The following FHIT variants were observed in gnomAD, a reference collection of about 807,000 sequenced individuals.
FHIT encodes bis(5'-adenosyl)-triphosphatase.
A neutral mutation model predicts 17.9 loss-of-function variants in FHIT; 19 were observed. That is an observed-to-expected ratio of 1.06 (90% CI 0.74 to 1.56). FHIT has a LOEUF of 1.56. FHIT is among the 40% of genes most tolerant of loss of function. FHIT has a pLI of 0.00. For missense variants in FHIT, 248 were observed against 189.2 expected, an observed-to-expected ratio of 1.31 and a Z score of -1.82; for synonymous variants, 81 against 69.7, an observed-to-expected ratio of 1.16 and a Z score of -0.81.
intron 5 of FHIT, among the ~76,000 whole-genome samples, chr3:60,019,531 G>C (rs1385381694): frequency 2.7e-5 from 4 of 150,390 alleles, no homozygotes. Flanking sequence ...TGATTCTCCT[G>C]CCTCAGCCTC....
At chr3:61,130,302 G>A (rs779158072) in intron 2 of FHIT, among the ~76,000 whole-genome samples, 1 of 152,146 alleles carries the variant, frequency 6.6e-6, no homozygotes, top group African/African-American at 2.4e-5. Context: ...ACAACTCCAC[G>A]TGTTGTGTTA....
chr3:60,961,609 C>T (rs1054536263), intron 3 of FHIT, among the ~76,000 whole-genome samples: 1 of 151,944 alleles, frequency 6.6e-6, no homozygotes, highest in African/African-American at 2.4e-5. Flanking sequence ...TTTTGTATAG[C>T]GTGTAAGGAA....
chr3:60,727,140 G>C (rs1369916007), intron 4 of FHIT, among the ~76,000 whole-genome samples: 5 of 151,992 alleles, frequency 3.3e-5, no homozygotes, highest in African/African-American at 1.2e-4. Flanking sequence ...CCATTATAGA[G>C]AATGCAGAAA....
At chr3:59,845,215 A>G (rs1701676297) in intron 8 of FHIT, among the ~76,000 whole-genome samples, 1 of 151,640 alleles carries the variant, frequency 6.6e-6, no homozygotes, top group African/African-American at 2.4e-5. Context: ...AATTTTGTTG[A>G]TAATTTCAAA....
intron 3 of FHIT, among the ~76,000 whole-genome samples, chr3:60,911,134 A>G (rs534560574): frequency 2.0e-5 from 3 of 152,332 alleles, no homozygotes; most frequent in Admixed American, 2.0e-4. Context: ...AGGAAGTTCC[A>G]ACATCATATT....
chr3:60,739,248 G>A (rs1553713367), intron 4 of FHIT, among the ~76,000 whole-genome samples: 1 of 152,218 alleles, frequency 6.6e-6, no homozygotes, highest in East Asian at 1.9e-4. Context: ...GATACAGAAA[G>A]CTGTCACACT....
intron 3 of FHIT, among the ~76,000 whole-genome samples, chr3:60,837,852 C>T (rs1331423842): frequency 6.6e-6 from 1 of 152,060 alleles, no homozygotes; most frequent in Non-Finnish European, 1.5e-5. Context: ...CATCATTTTA[C>T]CAGTTTGAGT....
At chr3:60,222,974 G>C (rs1313726121) in intron 5 of FHIT, among the ~76,000 whole-genome samples, 2 of 152,306 alleles carry the variant, frequency 1.3e-5, no homozygotes, top group South Asian at 4.1e-4. Context: ...AGGATAAAGA[G>C]TTTGCTAGGA....
At chr3:60,074,362 A>G (rs1199086001) in intron 5 of FHIT, among the ~76,000 whole-genome samples, 6 of 152,074 alleles carry the variant, frequency 3.9e-5, no homozygotes, top group African/African-American at 1.2e-4. Context: ...CTCTACTTCT[A>G]TGGTATTACC....
intron 5 of FHIT, among the ~76,000 whole-genome samples, chr3:60,446,839 C>G (rs558618804): frequency 3.5e-4 from 52 of 148,062 alleles, no homozygotes; most frequent in Non-Finnish European, 6.8e-4. Flanking sequence ...GGCAGCAGAG[C>G]AAGACCCTAT....
chr3:60,601,253 C>A (rs1016815649), intron 4 of FHIT, among the ~76,000 whole-genome samples: 2 of 152,200 alleles, frequency 1.3e-5, no homozygotes, highest in Non-Finnish European at 2.9e-5. Context: ...TCACCCTCCA[C>A]ATTTCCTACC....
At chr3:59,790,009 T>G (rs1699481306) in intron 8 of FHIT, among the ~76,000 whole-genome samples, 1 of 152,184 alleles carries the variant, frequency 6.6e-6, no homozygotes, top group Non-Finnish European at 1.5e-5. Context: ...GCAGTGCCAT[T>G]TGCAGTTGTA....
chr3:60,988,896 G>A (rs2107575787), intron 3 of FHIT, among the ~76,000 whole-genome samples: 1 of 106,492 alleles, frequency 9.4e-6, no homozygotes, highest in South Asian at 3.6e-4. Context: ...GATTCTAAAC[G>A]ATACTTGTTA....
chr3:60,500,163 G>A (rs553096476), intron 5 of FHIT, among the ~76,000 whole-genome samples: 1 of 152,236 alleles, frequency 6.6e-6, no homozygotes, highest in South Asian at 2.1e-4. Context: ...ACCTATTTTT[G>A]TAAATAAAGT....
intron 5 of FHIT, among the ~76,000 whole-genome samples, chr3:60,500,158 T>A (rs367677415): frequency 6.6e-6 from 1 of 152,200 alleles, no homozygotes. Context: ...CTGATACCTA[T>A]TTTTGTAAAT....
chr3:61,198,251 T>C (rs961439769), intron 2 of FHIT, among the ~76,000 whole-genome samples: 1 of 152,116 alleles, frequency 6.6e-6, no homozygotes, highest in Admixed American at 6.5e-5. Flanking sequence ...TTGGAGGCCA[T>C]GACTACTAGC....
At chr3:60,290,095 A>C (rs930546432) in intron 5 of FHIT, among the ~76,000 whole-genome samples, 1 of 152,172 alleles carries the variant, frequency 6.6e-6, no homozygotes, top group African/African-American at 2.4e-5. Context: ...TCCAAAGCCA[A>C]CTTTTTAACC....
chr3:61,235,385 C>T (rs1162389968), intron 1 of FHIT, among the ~76,000 whole-genome samples: 14 of 151,978 alleles, frequency 9.2e-5, no homozygotes, highest in Non-Finnish European at 4.4e-5. Flanking sequence ...CGAAAATCTA[C>T]ATAAAGATCT....
chr3:60,053,217 C>T (rs1701952848), intron 5 of FHIT, among the ~76,000 whole-genome samples: 1 of 151,650 alleles, frequency 6.6e-6, no homozygotes, highest in Admixed American at 6.6e-5. Flanking sequence ...GAGAGGCCTT[C>T]CCTAACCACA....
Sources: allele counts gnomAD v4.1 joint callset (sites outside exome capture counted in the v4.1 genomes callset), GRCh38; gene constraint gnomAD v4.1.1; transcripts MANE v1.5; gene names NCBI Gene and HGNC (gene_info 2026-07-23, HGNC 2026-07-21).